Variants in DOK7 observed in about 807,000 individuals in gnomAD.
The protein encoded by DOK7 is protein Dok-7.
DOK7 carries 32 observed loss-of-function variants against 30.7 expected under a neutral mutation model. That is an observed-to-expected ratio of 1.04 (90% CI 0.79 to 1.40). DOK7 has a LOEUF of 1.40. Ranked by LOEUF, DOK7 falls within the 40% of genes most tolerant of loss-of-function variation. DOK7 has a pLI of 0.00. For synonymous variants in DOK7, 447 were observed against 324.1 expected (o/e 1.38, Z -4.07); for missense variants, 1,007 against 699.2 (o/e 1.44, Z -4.97).
chr4:3,496,934 G>A, downstream of DOK7: 2 of 619,078 alleles, frequency 3.2e-6, no homozygotes, highest in Non-Finnish European at 5.0e-6. Flanking sequence ...GCAGATGGCA[G>A]CCAGAGTTTG....
intron 6 of DOK7, 146 bp from the exon 7 acceptor site, chr4:3,492,613 T>C: frequency 9.3e-7 from 1 of 1,075,248 alleles, no homozygotes; most frequent in South Asian, 1.4e-5. Flanking sequence ...AAGCCAGGTT[T>C]CTGCTGTAGG....
intron 3 of DOK7, 71 bp downstream of exon 3, chr4:3,473,707 G>T: frequency 7.1e-7 from 1 of 1,408,078 alleles, no homozygotes; most frequent in Non-Finnish European, 9.6e-7. Context: ...ACCAACGTGG[G>T]CTGCAGAGGT....
At chr4:3,491,405 A>T (rs60294386) in intron 6 of DOK7, among the ~76,000 whole-genome samples, 42,967 of 111,836 alleles carry the variant, frequency 0.38, 7,212 homozygotes, top group South Asian at 0.55. Flanking sequence ...TGCTCACCCC[A>T]GCTTCCTTCT....
chr4:3,473,365 G>A, intron 2 of DOK7, 41 bp from the exon 3 acceptor site: 1 of 1,600,210 alleles, frequency 6.2e-7, no homozygotes, highest in Non-Finnish European at 8.5e-7. Context: ...GTGCGGGCAG[G>A]CGGTGTTGGC....
At chr4:3,490,881 CCTGCTCATTAATTTCTTCCTTCTCTCCT>C (rs1294507786) in intron 6 of DOK7, among the ~76,000 whole-genome samples, 49 of 118,910 alleles carry the variant, frequency 4.1e-4, no homozygotes, top group Non-Finnish European at 7.1e-4. Context: ...TCATTACCCT[CCTGCTCATTAATTTCTTCCTTCTCTCCT>C]CTGCTCATTC....
At chr4:3,496,543 C>A (rs1248327795), downstream of DOK7, among the ~76,000 whole-genome samples, 1 of 152,242 alleles carries the variant, frequency 6.6e-6, no homozygotes, top group Admixed American at 6.5e-5. Context: ...GCCCCCTCCC[C>A]AGATGCCGAG....
intron 2 of DOK7, among the ~76,000 whole-genome samples, chr4:3,467,461 C>T (rs539737792): frequency 2.2e-5 from 3 of 135,114 alleles, no homozygotes; most frequent in Admixed American, 2.2e-4. Context: ...CCCCCCCCCC[C>T]ACCCCAGACA....
At chr4:3,487,177 G>A (rs779722287) in intron 5 of DOK7, among the ~76,000 whole-genome samples, 1 of 152,128 alleles carries the variant, frequency 6.6e-6, no homozygotes, top group Non-Finnish European at 1.5e-5. Context: ...CTGCAGCTGT[G>A]CCCCCAAGCT....
intron 2 of DOK7, among the ~76,000 whole-genome samples, chr4:3,470,933 G>T (rs572210210): frequency 6.6e-5 from 10 of 152,368 alleles, no homozygotes; most frequent in Middle Eastern, 3.4e-3. Flanking sequence ...GTCTGCCAGG[G>T]TGTGGCCAAG....
chr4:3,498,591 A>C (rs1216949857), downstream of DOK7, among the ~76,000 whole-genome samples: 1 of 151,804 alleles, frequency 6.6e-6, no homozygotes, highest in Non-Finnish European at 1.5e-5. Flanking sequence ...GCGCTCCCTC[A>C]GCTCTCCCCA....
Position 3,500,847 on chromosome 4 carries a change from C to T in DOK7, c.*22C>T, listed in dbSNP as rs1577194425. The T allele has an allele frequency of 3.3e-6, 5 of 1,518,894 alleles. No homozygotes were observed. The African/African-American group carries it at 4.1e-5, about 13-fold the overall frequency. 94.1% of individuals were successfully genotyped at this position (1,518,894 alleles called of 1,614,324 possible). A position where few individuals can be genotyped will look rare whatever the true frequency, so the allele number is the denominator to read the frequency against. ...GTGAGGTCACAGCGCCAGGAGCTGACCGCAAACCCGGTGCGCTGTGCGGCC... is the reference window on the plus strand; with the variant it reads ...GTGAGGTCACAGCGCCAGGAGCTGATCGCAAACCCGGTGCGCTGTGCGGCC... On this transcript the variant is annotated 3_prime_UTR_variant, in exon 8 of 8. Coordinates refer to the DOK7 transcript ENST00000643608.
downstream of DOK7, among the ~76,000 whole-genome samples, chr4:3,495,629 G>A (rs1186219124): frequency 3.3e-5 from 5 of 152,230 alleles, no homozygotes; most frequent in Non-Finnish European, 7.3e-5. Flanking sequence ...CCAGGTGGGT[G>A]GCCAACAGGC....
In DOK7 at chr4:3,492,802, C is replaced by G. The variant is rs115614731; in HGVS notation, c.816C>G (p.His272Gln). The G allele has an allele frequency of 1.6e-4, 259 of 1,612,776 alleles. 1 individual carries two copies. The African/African-American group carries it at 3.1e-3, about 20-fold the overall frequency. Residue 272 changes from histidine to glutamine, a missense_variant, in exon 7 of 7, where the codon CAC (histidine) becomes CAG (glutamine). His to Gln is a conservative substitution (Grantham distance 24). Transcript: ENST00000340083. ...CCAGCTCATCCTCAGAGGCCAGTCACTTGGACGTCAGCGCCAGCAGCCGGC... is the reference window on the plus strand; with the variant it reads ...CCAGCTCATCCTCAGAGGCCAGTCAGTTGGACGTCAGCGCCAGCAGCCGGC... Reference protein sequence around the residue: ...SLSSSSSEASHLDVSASSRLT... With the variant: ...SLSSSSSEASQLDVSASSRLT...
rs199525739 is a variant in DOK7 at position 3,493,156 on chromosome 4, C to G, written c.1170C>G (p.Pro390=). 1 of 1,605,374 alleles carries G rather than the reference C, an allele frequency of 6.2e-7. No individual in the cohort carries two copies. The highest frequency in any genetic ancestry group is 8.5e-7 in the Non-Finnish European group (1 of 1,177,360). ...APEPSLCTCL[P]GTVEYQVPTS... Reference sequence around the variant, plus strand: ...AGCCCAGCCTGTGCACCTGCCTGCCCGGGACAGTCGAGTACCAGGTGCCCA... The same window carrying G: ...AGCCCAGCCTGTGCACCTGCCTGCCGGGGACAGTCGAGTACCAGGTGCCCA... The change falls in exon 7 of 7, where the codon CCC becomes CCG. Residue 390 remains proline, a synonymous_variant. Coordinates refer to ENST00000340083, the MANE Select transcript of DOK7 (RefSeq NM_173660.5).
At chr4:3,485,714 T>C in intron 5 of DOK7, 56 bp downstream of exon 5, 3 of 1,450,942 alleles carry the variant, frequency 2.1e-6, no homozygotes, top group Non-Finnish European at 2.7e-6. Flanking sequence ...CTGTGCGACG[T>C]CCCGGGGCGG....
chr4:3,463,653 A>C, intron 2 of DOK7, 102 bp downstream of exon 2: 2 of 1,425,986 alleles, frequency 1.4e-6, no homozygotes, highest in South Asian at 1.2e-5. Context: ...CGCCGCTGTC[A>C]CCCCGCCGGG....
At chr4:3,495,251 T>C (rs561164739), downstream of DOK7, among the ~76,000 whole-genome samples, 5 of 152,282 alleles carry the variant, frequency 3.3e-5, no homozygotes, top group East Asian at 9.6e-4. Flanking sequence ...CCTCCGGAGG[T>C]GGCCGCGCCA....
Position 3,490,855 on chromosome 4 carries a change from C to A in DOK7, c.772+1059C>A, listed in dbSNP as rs1179832627. ...CCCCATTCATTCCTTCCTTCCCCCC[C>A]ACTCATTTCATTCCTTCATTACCCT... On this transcript the variant is annotated intron_variant, in intron 6 of 6. Coordinates refer to ENST00000340083, the MANE Select transcript of DOK7 (RefSeq NM_173660.5). Among the ~76,000 whole-genome samples the A allele has an allele frequency of 1.2e-4, 12 of 104,124 alleles. No homozygotes were observed. The South Asian group carries it at 1.6e-3, about 14-fold the overall frequency. 68.3% of individuals were successfully genotyped at this position (104,124 alleles called of 152,430 possible). A position where few individuals can be genotyped will look rare whatever the true frequency, so the allele number is the denominator to read the frequency against.
At chr4:3,485,993 A>G (rs536054805) in intron 5 of DOK7, among the ~76,000 whole-genome samples, 1 of 151,994 alleles carries the variant, frequency 6.6e-6, no homozygotes, top group East Asian at 1.9e-4. Context: ...CACCACCACC[A>G]TCTTCCACGC....
Sources: gnomAD v4.1 joint callset for allele counts (sites outside exome capture counted in the v4.1 genomes callset) on GRCh38, gnomAD v4.1.1 for gene constraint, MANE v1.5 for transcripts, NCBI Gene and HGNC (gene_info 2026-07-23, HGNC 2026-07-21) for gene names.